The following HK1 variants were observed in gnomAD, a reference collection of about 807,000 sequenced individuals.
HK1 encodes hexokinase-1.
Under a neutral mutation model 91.6 loss-of-function variants are expected in HK1, and 28 were observed. The observed-to-expected ratio is 0.31, with a 90% CI of 0.23 to 0.42. The LOEUF (loss-of-function observed/expected upper bound fraction) is 0.42, where lower values mean the gene tolerates loss of function less well. Among genes scored for constraint, HK1 ranks in the 10% least tolerant of loss-of-function variants. The probability of loss-of-function intolerance (pLI) is 1.00; values close to 1 mark genes in which losing one functional copy is unlikely to be tolerated. For synonymous variants in HK1, 430 were observed against 468.1 expected, an observed-to-expected ratio of 0.92 and a Z score of 1.05; for missense variants, 770 against 1,219.8, an observed-to-expected ratio of 0.63 and a Z score of 5.49.
Position 69,323,632 on chromosome 10 carries a change from A to G in HK1, c.63+4622A>G, listed in dbSNP as rs147503943. Among the ~76,000 whole-genome samples, 474 of 152,112 alleles carry G rather than the reference A, an allele frequency of 3.1e-3. 4 individuals carry two copies. Among genetic ancestry groups the G allele is most frequent in the African/African-American group, 0.011 (453 of 41,496 alleles). ...GAGCTTCTTGGTGAATCTTGACTTT[A>G]TAATCCCTGCCTTTCCTACCTTAGA... is the stretch of plus-strand genomic sequence containing the variant. On this transcript the variant is annotated intron_variant, in intron 1 of 17. Coordinates refer to ENST00000359426, the MANE Select transcript of HK1 (RefSeq NM_000188.3).
At chr10:69,308,642 GTTTCGGGTCTGGTTCCTTGC>G (rs1394968867) in intron 5 of HK1, among the ~76,000 whole-genome samples, 1 of 152,184 alleles carries the variant, frequency 6.6e-6, no homozygotes, top group Non-Finnish European at 1.5e-5. Flanking sequence ...GCCAGGCCTG[GTTTCGGGTCTGGTTCCTTGC>G]TTTCGGGTCT....
chr10:69,334,222 G>T (rs1847867847), intron 1 of HK1, among the ~76,000 whole-genome samples: 1 of 152,226 alleles, frequency 6.6e-6, no homozygotes, highest in African/African-American at 2.4e-5. Flanking sequence ...ATATGAACCT[G>T]GAAGAAGAGA....
intron 3 of HK1, among the ~76,000 whole-genome samples, chr10:69,362,844 C>T (rs1423431218): frequency 1.3e-5 from 2 of 152,208 alleles, no homozygotes; most frequent in Non-Finnish European, 2.9e-5. Flanking sequence ...GCTTAGCCGG[C>T]TTCTCTGGGG....
Position 69,341,111 on chromosome 10 carries a change from C to T in HK1, c.64-2716C>T, listed in dbSNP as rs1203305613. ...GCATGGCTTGTCTCTCCTCCCAGGG[C>T]CATGTTTTTGGCAATTTTATTTCCT... On this transcript the variant is annotated intron_variant, in intron 1 of 17. Coordinates refer to ENST00000359426, the MANE Select transcript of HK1 (RefSeq NM_000188.3). Among the ~76,000 whole-genome samples the T allele has an allele frequency of 3.3e-5, 5 of 151,712 alleles. No homozygotes were observed. The East Asian group carries it at 9.6e-4, about 29-fold the overall frequency.
At chr10:69,299,581 G>C (rs1184596475) in intron 4 of HK1, among the ~76,000 whole-genome samples, 1 of 151,564 alleles carries the variant, frequency 6.6e-6, no homozygotes, top group African/African-American at 2.4e-5. Flanking sequence ...TGGTTAAGTT[G>C]GTCTCGAACT....
In HK1 at chr10:69,382,480, C is replaced by G. The variant is rs1213999392; in HGVS notation, c.1266-7C>G. 6.2e-7 allele frequency: 1 copy of G among 1,614,164 alleles called. No homozygotes were observed. The highest frequency in any genetic ancestry group is 1.7e-5 in the Admixed American group (1 of 60,016). On this transcript the variant is annotated splice_region_variant and splice_polypyrimidine_tract_variant and intron_variant, in intron 9 of 17. Transcript: ENST00000359426. ...CTGTTGTGGAATGTCCCCCCTGCCC[C>G]CATAAGGTATTCCCGGCGTTTCCAC...
intron 4 of HK1, among the ~76,000 whole-genome samples, chr10:69,300,013 T>C (rs1051443205): frequency 6.6e-6 from 1 of 150,928 alleles, no homozygotes; most frequent in Non-Finnish European, 1.5e-5. Flanking sequence ...TTGCCCCGGC[T>C]GGTCTTGAAC....
At chr10:69,274,810 C>G (rs143915184) in intron 1 of HK1, among the ~76,000 whole-genome samples, 1 of 152,074 alleles carries the variant, frequency 6.6e-6, no homozygotes, top group Non-Finnish European at 1.5e-5. Flanking sequence ...TGAAGCTTCT[C>G]CAGATTCTAC....
chr10:69,370,378 T>A (rs1849936188), intron 7 of HK1, among the ~76,000 whole-genome samples: 1 of 151,932 alleles, frequency 6.6e-6, no homozygotes, highest in African/African-American at 2.4e-5. Context: ...AATTAATAAA[T>A]ATGAATGGTT....
upstream of HK1, chr10:69,315,922 G>A (rs77682879): frequency 4.3e-6 from 7 of 1,611,842 alleles, no homozygotes; most frequent in Admixed American, 5.0e-5. Context: ...CCAGGTTCCT[G>A]CCCTGTAAAG....
intron 1 of HK1, among the ~76,000 whole-genome samples, chr10:69,336,648 T>TG (rs1283731387): frequency 8.8e-5 from 13 of 148,112 alleles, no homozygotes; most frequent in African/African-American, 3.0e-4. Flanking sequence ...TTTTTTTTTT[T>TG]TTTTTTTTTG....
chr10:69,333,972 A>G (rs764760099), intron 1 of HK1, among the ~76,000 whole-genome samples: 2 of 152,040 alleles, frequency 1.3e-5, no homozygotes, highest in Admixed American at 6.6e-5. Flanking sequence ...TTAGCTGGAC[A>G]TGGTGGTGTG....
rs768859571 is a variant in HK1, at chr10:69,369,448, C to T, written c.699C>T (p.Gly233=). The change falls in exon 7 of 18, where the codon GGC becomes GGT. Residue 233 remains glycine (G), a synonymous_variant. Coordinates refer to ENST00000359426, the MANE Select transcript of HK1 (RefSeq NM_000188.3). The surrounding 1 kb of genome is among the most constrained non-coding windows in gnomAD (Gnocchi z 4.4). ...TGATCTTGTCCTGCCCAGGCACTGGCACCAATGCTTGCTACATGGAGGAAC... is the reference window on the plus strand; with the variant it reads ...TGATCTTGTCCTGCCCAGGCACTGGTACCAATGCTTGCTACATGGAGGAAC... ...HCEVGLIIGT[G]TNACYMEELR... 1.9e-6 allele frequency: 3 copies of T among 1,614,232 alleles called. No individual in the cohort carries two copies. Among genetic ancestry groups the T allele is most frequent in the Middle Eastern group, 3.3e-4 (2 of 6,062 alleles).
chr10:69,387,704 G>A (rs546143791), intron 13 of HK1, among the ~76,000 whole-genome samples: 2 of 152,146 alleles, frequency 1.3e-5, no homozygotes, highest in Non-Finnish European at 2.9e-5. Flanking sequence ...ATGCCCCCGG[G>A]GTGTGTTCTC....
At chr10:69,378,588 A>G (rs1839233580) in intron 8 of HK1, among the ~76,000 whole-genome samples, 1 of 152,184 alleles carries the variant, frequency 6.6e-6, no homozygotes. Flanking sequence ...ATGACGGGAG[A>G]GGTTAAAAAG....
upstream of HK1, among the ~76,000 whole-genome samples, chr10:69,314,902 G>A (rs956781064): frequency 5.9e-5 from 9 of 151,716 alleles, no homozygotes; most frequent in Non-Finnish European, 8.8e-5. Flanking sequence ...TCCTGACCAC[G>A]TGATCCTCCC....
Position 69,369,712 on chromosome 10 carries a change from A to G in HK1, c.875+88A>G. On this transcript the variant is annotated intron_variant, in intron 7 of 17. Coordinates refer to ENST00000359426, the MANE Select transcript of HK1 (RefSeq NM_000188.3). The surrounding 1 kb of genome is among the most constrained non-coding windows in gnomAD (Gnocchi z 4.4). The stretch of plus-strand genomic sequence containing the variant: ...TGGGATGGGAGATGAAAAGGGCATA[A>G]AGCCAAGTGATCACAAACAGAAAAG... 1 of 1,227,852 alleles carries G rather than the reference A, an allele frequency of 8.1e-7. No homozygotes were observed. The highest frequency in any genetic ancestry group is 1.2e-6 in the Non-Finnish European group (1 of 850,386). The allele number at this position is 1,227,852 out of a possible 1,614,324, so 76.1% of individuals were successfully genotyped here.
upstream of HK1, among the ~76,000 whole-genome samples, chr10:69,316,756 T>C (rs575008685): frequency 6.6e-6 from 1 of 152,228 alleles, no homozygotes; most frequent in Non-Finnish European, 1.5e-5. Context: ...TGTTTTTGAT[T>C]ATGCATTAGG....
In HK1 at chr10:69,384,786, T is replaced by C. The variant is rs1325317859; in HGVS notation, c.1720-10T>C. 3 of 1,614,060 alleles carry C rather than the reference T, an allele frequency of 1.9e-6. No homozygotes were observed. On this transcript the variant is annotated splice_polypyrimidine_tract_variant and intron_variant, in intron 11 of 17. Coordinates refer to ENST00000359426, the MANE Select transcript of HK1 (RefSeq NM_000188.3). The stretch of plus-strand genomic sequence containing the variant: ...AGAGAGCACGGGCGATCCTTTCTTT[T>C]CCCCTGCAGCTGTTTGATCACATTG...
Sources: allele counts gnomAD v4.1 joint callset (sites outside exome capture counted in the v4.1 genomes callset), GRCh38; gene constraint gnomAD v4.1.1; non-coding constraint Gnocchi (gnomAD v3.1); transcripts MANE v1.5; gene names NCBI Gene and HGNC (gene_info 2026-07-23, HGNC 2026-07-21).